REV3L: variants seen among roughly 807,000 people sequenced by gnomAD.
REV3L encodes DNA polymerase zeta catalytic subunit.
Under a neutral mutation model 299.4 loss-of-function variants are expected in REV3L, and 69 were observed. The observed-to-expected ratio is 0.23, with a 90% CI of 0.19 to 0.28. The LOEUF (loss-of-function observed/expected upper bound fraction) is 0.28. Among genes scored for constraint, REV3L ranks in the 10% least tolerant of loss-of-function variants. REV3L has a pLI of 1.00. For synonymous variants in REV3L, 1,238 were observed against 1,271.4 expected (o/e 0.97, Z 0.56); for missense variants, 3,128 against 3,693.8 (o/e 0.85, Z 3.97).
chr6:111,390,612 G>A (rs1277439266), intron 5 of REV3L, among the ~76,000 whole-genome samples: 1 of 152,082 alleles, frequency 6.6e-6, no homozygotes, highest in Non-Finnish European at 1.5e-5. Flanking sequence ...TAAAAGGGAA[G>A]GTGAGCACAC....
Position 111,479,763 on chromosome 6 carries a change from T to C in REV3L, c.139+2987A>G, listed in dbSNP as rs369497903. ...TGGGTTCAAGCGATCCTCCTGCCTC[T>C]GTCTTCCAAAGTGTTGGGATTACAG... On this transcript the variant is annotated intron_variant, in intron 1 of 31. Coordinates refer to ENST00000368802, the MANE Select transcript of REV3L (RefSeq NM_001372078.1). Among the ~76,000 whole-genome samples the C allele has an allele frequency of 2.6e-5, 4 of 152,252 alleles. 1 individual carries two copies. The highest frequency in any genetic ancestry group is 9.6e-5 in the African/African-American group (4 of 41,546).
At position 111,379,441 on chromosome 6, in the gene REV3L, C is replaced by T. The variant is rs370944133; in HGVS notation, c.1454+541G>A. The stretch of plus-strand genomic sequence containing the variant: ...ACAGAGCATATAACTAAAGGGCAGA[C>T]TCAAACCAATCAAGTTCACAGAGAC... On this transcript the variant is annotated intron_variant, in intron 11 of 31. Coordinates refer to ENST00000368802, the MANE Select transcript of REV3L (RefSeq NM_001372078.1). Among the ~76,000 whole-genome samples, 12 of 152,324 alleles carry T rather than the reference C, an allele frequency of 7.9e-5. No individual in the cohort carries two copies. The East Asian group carries it at 1.9e-3, about 24-fold the overall frequency.
At chr6:111,381,208 G>A in intron 10 of REV3L, 117 bp downstream of exon 10, 1 of 1,031,308 alleles carries the variant, frequency 9.7e-7, no homozygotes, top group Non-Finnish European at 1.4e-6. Flanking sequence ...TCAGTAGAGT[G>A]TTTACTGAAC....
In REV3L at chr6:111,310,042, G is replaced by A. The variant is rs779678062; in HGVS notation, c.8853C>T (p.Tyr2951=). Residue 2951 remains tyrosine (Y), a synonymous_variant, in exon 30 of 32, where the codon TAC becomes TAT. Transcript: ENST00000368802. The stretch of plus-strand genomic sequence containing the variant: ...CTCCGGGGGTCCCATAAATGATGAC[G>A]TATGGCACTCGCTCCCCAACCTGAG... ...SEPQVGERVP[Y]VIIYGTPGVP... 4.4e-5 allele frequency: 71 copies of A among 1,608,848 alleles called. No homozygotes were observed. The highest frequency in any genetic ancestry group is 5.9e-5 in the Non-Finnish European group (69 of 1,177,142).
At chr6:111,308,221 T>G (rs368321584) in intron 30 of REV3L, 1 of 451,006 alleles carries the variant, frequency 2.2e-6, no homozygotes, top group Non-Finnish European at 4.4e-6. Flanking sequence ...GTCTTTGCTA[T>G]TGTGAATAGT....
intron 1 of REV3L, among the ~76,000 whole-genome samples, chr6:111,439,138 T>TA (rs1787941817): frequency 6.6e-6 from 1 of 152,266 alleles, no homozygotes; most frequent in African/African-American, 2.4e-5. Flanking sequence ...TACATCCTTT[T>TA]AACAGGCATT....
At position 111,307,543 on chromosome 6, in the gene REV3L, T is replaced by A. The variant is rs762062435; in HGVS notation, c.9070A>T (p.Ser3024Cys). Residue 3024 changes from serine to cysteine, a missense_variant, in exon 31 of 32, where the codon AGT becomes TGT. Physicochemically the swap from Ser to Cys is moderately radical, Grantham distance 112 (BLOSUM62 -1). Coordinates refer to ENST00000368802, the MANE Select transcript of REV3L (RefSeq NM_001372078.1). ...RIHKATSSSRSEPEGRKGTIS... is the reference protein window; with the variant it reads ...RIHKATSSSRCEPEGRKGTIS... ...GTGCCTTTCCGCCCTTCAGGTTCACTTCGCGAGGAGCTGGTAGCTTTATGG... is the reference window on the plus strand; with the variant it reads ...GTGCCTTTCCGCCCTTCAGGTTCACATCGCGAGGAGCTGGTAGCTTTATGG... 4 of 1,614,220 alleles carry A rather than the reference T, an allele frequency of 2.5e-6. No individual in the cohort carries two copies. In the East Asian group the frequency reaches 8.9e-5, roughly 36 times the overall value.
intron 2 of REV3L, among the ~76,000 whole-genome samples, chr6:111,413,197 T>A (rs1332337526): frequency 1.3e-5 from 2 of 152,146 alleles, no homozygotes; most frequent in Admixed American, 6.5e-5. Context: ...GTATTTTTCA[T>A]ATATACAAAG....
At chr6:111,477,931 A>T (rs968216093) in intron 1 of REV3L, among the ~76,000 whole-genome samples, 2 of 152,096 alleles carry the variant, frequency 1.3e-5, no homozygotes, top group African/African-American at 4.8e-5. Context: ...TTATGAAAAG[A>T]AGTAGACGGA....
chr6:111,332,067 T>C (rs988812541), intron 23 of REV3L, among the ~76,000 whole-genome samples: 1 of 152,094 alleles, frequency 6.6e-6, no homozygotes, highest in Non-Finnish European at 1.5e-5. Context: ...ATCATCTTAT[T>C]TATTTTATTA....
intron 1 of REV3L, among the ~76,000 whole-genome samples, chr6:111,466,419 A>C (rs1791523054): frequency 6.6e-6 from 1 of 152,230 alleles, no homozygotes; most frequent in Non-Finnish European, 1.5e-5. Flanking sequence ...AGGAATTTTA[A>C]AATGTCACGT....
At chr6:111,431,673 G>T in intron 1 of REV3L, 1 of 944,610 alleles carries the variant, frequency 1.1e-6, no homozygotes, top group East Asian at 2.4e-5. Context: ...GAAAAGCAAT[G>T]GGGATTTCCA....
intron 1 of REV3L, among the ~76,000 whole-genome samples, chr6:111,482,026 T>C (rs1007607696): frequency 6.6e-6 from 1 of 152,192 alleles, no homozygotes; most frequent in Non-Finnish European, 1.5e-5. Flanking sequence ...TGTGATGTTT[T>C]AGGTTGGGCA....
At chr6:111,396,486 A>G (rs558410489) in intron 4 of REV3L, among the ~76,000 whole-genome samples, 1 of 152,108 alleles carries the variant, frequency 6.6e-6, no homozygotes, top group Non-Finnish European at 1.5e-5. Context: ...TTTTGGTATC[A>G]GGATAATGCT....
intron 1 of REV3L, chr6:111,430,145 T>C: frequency 1.3e-6 from 1 of 786,580 alleles, no homozygotes; most frequent in Non-Finnish European, 2.3e-6. Flanking sequence ...ACCTCCAGTG[T>C]CACGCCCCTG....
At chr6:111,453,506 A>G (rs1216287393) in intron 1 of REV3L, among the ~76,000 whole-genome samples, 1 of 152,196 alleles carries the variant, frequency 6.6e-6, no homozygotes, top group Non-Finnish European at 1.5e-5. Flanking sequence ...GGATAGGAAC[A>G]TCATTCTAAG....
At chr6:111,314,706 A>G (rs1773331922) in intron 27 of REV3L, among the ~76,000 whole-genome samples, 2 of 152,196 alleles carry the variant, frequency 1.3e-5, no homozygotes, top group African/African-American at 4.8e-5. Flanking sequence ...GAGCAGAATG[A>G]AATGCTGGCT....
chr6:111,380,259 C>CG, intron 10 of REV3L, 40 bp from the exon 11 acceptor site: 1 of 1,165,112 alleles, frequency 8.6e-7, no homozygotes, highest in Non-Finnish European at 1.2e-6. Context: ...AATAAGTTTT[C>CG]TTTTTTTTTT....
At chr6:111,357,839 G>GA (rs1259516485) in intron 17 of REV3L, among the ~76,000 whole-genome samples, 3 of 151,798 alleles carry the variant, frequency 2.0e-5, no homozygotes, top group South Asian at 2.1e-4. Flanking sequence ...ACTTCTGCAG[G>GA]AAAAAAAAGA....
Sources: gnomAD v4.1 joint callset for allele counts (sites outside exome capture counted in the v4.1 genomes callset) on GRCh38, gnomAD v4.1.1 for gene constraint, MANE v1.5 for transcripts, NCBI Gene and HGNC (gene_info 2026-07-23, HGNC 2026-07-21) for gene names.